TUSC3: variants seen among roughly 807,000 people sequenced by gnomAD.
The protein encoded by TUSC3 is dolichyl-diphosphooligosaccharide--protein glycosyltransferase subunit TUSC3.
In TUSC3, 45 loss-of-function variants were observed where a neutral mutation model predicts 44.8. The ratio of observed to expected loss-of-function variants is 1.00; its 90% CI spans 0.79 to 1.29. The LOEUF is 1.29. Among genes scored for constraint, TUSC3 ranks in the 50% most tolerant of loss-of-function variants. The pLI is 0.00. For synonymous variants in TUSC3, 212 were observed against 152.9 expected (o/e 1.39, Z -2.85); for missense variants, 519 against 437.9 (o/e 1.19, Z -1.65).
chr8:15,631,102 G>A (rs764585718), intron 2 of TUSC3, among the ~76,000 whole-genome samples: 13 of 152,080 alleles, frequency 8.5e-5, no homozygotes, highest in Non-Finnish European at 1.6e-4. Context: ...TGCAAGACTG[G>A]GGAAGTGTCA....
chr8:15,473,490 TG>T (rs1466519549), intron 1 of TUSC3, among the ~76,000 whole-genome samples: 1 of 152,250 alleles, frequency 6.6e-6, no homozygotes, highest in Non-Finnish European at 1.5e-5. Flanking sequence ...TGCAGTTACA[TG>T]TTCATAAAGT....
At chr8:15,748,094 G>GAAAACCTCCAGA (rs1811500050) in intron 8 of TUSC3, among the ~76,000 whole-genome samples, 4 of 152,044 alleles carry the variant, frequency 2.6e-5, no homozygotes, top group Non-Finnish European at 4.4e-5. Context: ...TATAAAAGAA[G>GAAAACCTCCAGA]AAAACCTCCA....
At chr8:15,770,995 AAAG>A (rs1353101635), downstream of TUSC3, among the ~76,000 whole-genome samples, 3 of 152,214 alleles carry the variant, frequency 2.0e-5, no homozygotes, top group African/African-American at 7.2e-5. Context: ...AGAGATCAGG[AAAG>A]AATCTTGAAA....
intron 1 of TUSC3, among the ~76,000 whole-genome samples, chr8:15,613,721 T>C (rs899916427): frequency 2.0e-5 from 3 of 152,208 alleles, no homozygotes; most frequent in Admixed American, 6.5e-5. Context: ...CATATAGCAT[T>C]ATCTCAGGTT....
At chr8:15,738,836 T>TTCTTTC (rs1265746199) in intron 7 of TUSC3, among the ~76,000 whole-genome samples, 24 of 125,174 alleles carry the variant, frequency 1.9e-4, no homozygotes, top group South Asian at 1.1e-3. Flanking sequence ...GCTTTTTTTT[T>TTCTTTC]TTTTTTTTTT....
intron 2 of TUSC3, among the ~76,000 whole-genome samples, chr8:15,504,961 G>T (rs1056161763): frequency 2.0e-5 from 3 of 151,818 alleles, no homozygotes; most frequent in Non-Finnish European, 4.4e-5. Flanking sequence ...CGTAATTCAT[G>T]TATTTTCTAT....
chr8:15,768,313 C>A (rs966446364), downstream of TUSC3, among the ~76,000 whole-genome samples: 3 of 152,060 alleles, frequency 2.0e-5, no homozygotes, highest in Admixed American at 6.6e-5. Flanking sequence ...CACAACAAGC[C>A]GTGATAACAA....
At chr8:15,785,564 C>T in the TUSC3 span, among the ~76,000 whole-genome samples, 1 of 151,424 alleles carries the variant, frequency 6.6e-6, no homozygotes, top group Non-Finnish European at 1.5e-5. Flanking sequence ...AGTTGGGGGA[C>T]GTTATTCCTT....
At chr8:15,664,959 C>G (rs1005703907) in intron 5 of TUSC3, among the ~76,000 whole-genome samples, 1 of 151,304 alleles carries the variant, frequency 6.6e-6, no homozygotes, top group Non-Finnish European at 1.5e-5. Context: ...AATTGAAAAA[C>G]TGAATTTGTT....
At chr8:15,421,321 T>C (rs1273032850) in intron 1 of TUSC3, among the ~76,000 whole-genome samples, 3 of 152,170 alleles carry the variant, frequency 2.0e-5, no homozygotes, top group Non-Finnish European at 4.4e-5. Context: ...TAATTGAATT[T>C]CTACTACTCT....
At chr8:15,528,578 A>G (rs556921995) in intron 2 of TUSC3, among the ~76,000 whole-genome samples, 1 of 152,318 alleles carries the variant, frequency 6.6e-6, no homozygotes, top group East Asian at 1.9e-4. Context: ...CCTAACAAGG[A>G]TAGCAAAATT....
At chr8:15,659,993 A>G (rs1465701833) in intron 4 of TUSC3, among the ~76,000 whole-genome samples, 2 of 152,080 alleles carry the variant, frequency 1.3e-5, no homozygotes, top group African/African-American at 4.8e-5. Context: ...TTGGTCAAAC[A>G]GAAAAGGTTA....
At chr8:15,718,652 A>G (rs1181340349) in intron 6 of TUSC3, among the ~76,000 whole-genome samples, 3 of 152,104 alleles carry the variant, frequency 2.0e-5, no homozygotes, top group African/African-American at 7.2e-5. Context: ...TATTTTTCTT[A>G]TAATTAACAT....
At chr8:15,845,938 G>A in the TUSC3 span, among the ~76,000 whole-genome samples, 1 of 152,138 alleles carries the variant, frequency 6.6e-6, no homozygotes, top group Non-Finnish European at 1.5e-5. Flanking sequence ...GGCTGGGGAG[G>A]CCTCAGAATC....
chr8:15,736,700 T>A (rs554538235), intron 7 of TUSC3, among the ~76,000 whole-genome samples: 1 of 152,312 alleles, frequency 6.6e-6, no homozygotes, highest in African/African-American at 2.4e-5. Flanking sequence ...TGTATGATTT[T>A]ACTGTCCTAA....
At chr8:15,504,605 ATATATATATATATATAT>A (rs1376106199) in intron 2 of TUSC3, among the ~76,000 whole-genome samples, 761 of 31,054 alleles carry the variant, frequency 0.025, 2 homozygotes, top group Middle Eastern at 0.033. Flanking sequence ...ATATATATAT[ATATATATATATATATAT>A]TTTTTTTTTT....
intron 1 of TUSC3, among the ~76,000 whole-genome samples, chr8:15,547,889 A>G (rs1801927650): frequency 6.6e-6 from 1 of 151,800 alleles, no homozygotes; most frequent in Non-Finnish European, 1.5e-5. Flanking sequence ...AGGTATCTTT[A>G]CACGATTAAC....
the TUSC3 span, among the ~76,000 whole-genome samples, chr8:15,833,502 C>A: frequency 6.6e-6 from 1 of 152,098 alleles, no homozygotes; most frequent in Non-Finnish European, 1.5e-5. Flanking sequence ...ATGTGGTAGT[C>A]CACGGAATAC....
At chr8:15,443,556 C>A (rs546819959) in intron 1 of TUSC3, among the ~76,000 whole-genome samples, 3 of 152,070 alleles carry the variant, frequency 2.0e-5, no homozygotes, top group African/African-American at 7.2e-5. Context: ...TTGCTTCTAA[C>A]CTTTAAGCTG....
Sources: allele counts gnomAD v4.1 joint callset (sites outside exome capture counted in the v4.1 genomes callset), GRCh38; gene constraint gnomAD v4.1.1; transcripts MANE v1.5; gene names NCBI Gene and HGNC (gene_info 2026-07-23, HGNC 2026-07-21).